Variants in HDHD5 observed in about 807,000 individuals in gnomAD.
The protein encoded by HDHD5 is haloacid dehalogenase-like hydrolase domain-containing 5.
HDHD5 carries 34 observed loss-of-function variants against 35.5 expected under a neutral mutation model. The ratio of observed to expected loss-of-function variants is 0.96; its 90% CI spans 0.73 to 1.28. The LOEUF is 1.28. Ranked by LOEUF, HDHD5 falls within the 50% of genes most tolerant of loss-of-function variation. The pLI is 0.00. For synonymous variants in HDHD5, 248 were observed against 240.6 expected (o/e 1.03, Z -0.29); for missense variants, 589 against 560.2 (o/e 1.05, Z -0.52).
chr22:17,144,745 C>T (rs536579628), intron 4 of HDHD5, among the ~76,000 whole-genome samples: 1 of 151,732 alleles, frequency 6.6e-6, no homozygotes, highest in Non-Finnish European at 1.5e-5. Context: ...GAGACGGGGT[C>T]TCACTATGTT....
intron 4 of HDHD5, among the ~76,000 whole-genome samples, chr22:17,144,251 G>A (rs1408820823): frequency 6.6e-6 from 1 of 151,998 alleles, no homozygotes; most frequent in African/African-American, 2.4e-5. Context: ...CGCTTCTCTG[G>A]GCTTTTTCCT....
chr22:17,141,992 G>C (rs1389927391), intron 5 of HDHD5: 2 of 152,248 alleles, frequency 1.3e-5, no homozygotes, highest in African/African-American at 4.8e-5. Flanking sequence ...CCTAGCAAGT[G>C]AAGGTTGTGG....
chr22:17,158,149 T>C (rs987090966), intron 1 of HDHD5, among the ~76,000 whole-genome samples: 2 of 152,096 alleles, frequency 1.3e-5, no homozygotes, highest in African/African-American at 2.4e-5. Flanking sequence ...GGTGAAACCC[T>C]GTCTCTACTA....
At position 17,137,910 on chromosome 22, in the gene HDHD5, G is replaced by A; in HGVS notation, c.*111C>T. The A allele has an allele frequency of 1.2e-6, 1 of 804,832 alleles. No individual in the cohort carries two copies. The highest frequency in any genetic ancestry group is 2.0e-6 in the Non-Finnish European group (1 of 511,600). The allele number at this position is 804,832 out of a possible 1,614,324, so 49.9% of individuals were successfully genotyped here. A position where few individuals can be genotyped will look rare whatever the true frequency, so the allele number is the denominator to read the frequency against. On this transcript the variant is annotated 3_prime_UTR_variant, in exon 8 of 8. Coordinates refer to ENST00000336737, the MANE Select transcript of HDHD5 (RefSeq NM_033070.3). ...TGCCACACTCATGGGGCAGCAAGAA[G>A]GGTGGCAAGGGAACCAAGCCCTGAC... is the stretch of plus-strand genomic sequence containing the variant.
chr22:17,137,587 A>G lies in HDHD5; in HGVS notation c.*434T>C, dbSNP rs1219157126. 1 of 158,452 alleles carries G rather than the reference A, an allele frequency of 6.3e-6. No individual in the cohort carries two copies. Among genetic ancestry groups the G allele is most frequent in the Admixed American group, 6.3e-5 (1 of 15,856 alleles). 9.8% of individuals were successfully genotyped at this position (158,452 alleles called of 1,614,324 possible). A position where few individuals can be genotyped will look rare whatever the true frequency, so the allele number is the denominator to read the frequency against. On this transcript the variant is annotated 3_prime_UTR_variant, in exon 8 of 8. Coordinates refer to ENST00000336737, the MANE Select transcript of HDHD5 (RefSeq NM_033070.3). ...AAAGCCCCACATCTCCGGGCAATAA[A>G]CTACAATACAGTAAAAAGTAGCATC...
At chr22:17,157,308 C>T (rs1460716682) in intron 1 of HDHD5, among the ~76,000 whole-genome samples, 1 of 142,864 alleles carries the variant, frequency 7.0e-6, no homozygotes, top group African/African-American at 2.6e-5. Context: ...GGATCTGTTG[C>T]CCGGGCTGGA....
chr22:17,148,437 C>T lies in HDHD5; in HGVS notation c.443+11G>A. 6.2e-7 allele frequency: 1 copy of T among 1,609,488 alleles called. No homozygotes were observed. The highest frequency in any genetic ancestry group is 1.3e-5 in the African/African-American group (1 of 74,914). On this transcript the variant is annotated intron_variant, in intron 3 of 7. Transcript: ENST00000336737. ...CCTTCCCTTCAGCCAGAGTTAAGAC[C>T]AAAAGGATACCCCTGGGCATTTTCC...
At chr22:17,163,271 C>T (rs772182250), upstream of HDHD5, among the ~76,000 whole-genome samples, 4 of 152,150 alleles carry the variant, frequency 2.6e-5, no homozygotes, top group Non-Finnish European at 4.4e-5. Flanking sequence ...GCCTTCTATG[C>T]GCTGACTTGC....
intron 4 of HDHD5, among the ~76,000 whole-genome samples, chr22:17,143,837 A>G (rs952253649): frequency 1.3e-5 from 2 of 152,250 alleles, no homozygotes; most frequent in African/African-American, 2.4e-5. Flanking sequence ...AACTGTGAGA[A>G]TGGTCTGACT....
intron 1 of HDHD5, among the ~76,000 whole-genome samples, chr22:17,157,203 C>A (rs1341428030): frequency 2.0e-5 from 3 of 149,896 alleles, no homozygotes; most frequent in Non-Finnish European, 1.5e-5. Flanking sequence ...AGTGCTATTA[C>A]AAAAGAGTAA....
At chr22:17,145,626 A>C (rs186145491) in intron 3 of HDHD5, among the ~76,000 whole-genome samples, 1 of 152,290 alleles carries the variant, frequency 6.6e-6, no homozygotes, top group Non-Finnish European at 1.5e-5. Flanking sequence ...CAGGAGGTCA[A>C]GGCTACAGTG....
intron 4 of HDHD5, 80 bp downstream of exon 4, chr22:17,144,944 G>C: frequency 6.5e-7 from 1 of 1,532,628 alleles, no homozygotes; most frequent in South Asian, 1.1e-5. Flanking sequence ...AGGAGGGCTT[G>C]CAAGGTCAGC....
At chr22:17,145,848 G>A (rs1313352818) in intron 3 of HDHD5, among the ~76,000 whole-genome samples, 1 of 152,138 alleles carries the variant, frequency 6.6e-6, no homozygotes, top group African/African-American at 2.4e-5. Flanking sequence ...AAGTAGGGCT[G>A]GAGCTAAAAT....
Position 17,138,009 on chromosome 22 carries a change from A to G in HDHD5, c.*12T>C. On this transcript the variant is annotated 3_prime_UTR_variant, in exon 8 of 8. Transcript: ENST00000336737. ...GGTCCAGGCTCACCCCCTCACCTCC[A>G]CCGCACTGCCCTCACTCCAAAGCCC... is the stretch of plus-strand genomic sequence containing the variant. The G allele has an allele frequency of 6.2e-7, 1 of 1,600,338 alleles. No homozygotes were observed.
chr22:17,138,778 C>T, intron 6 of HDHD5, 40 bp from the exon 7 acceptor site: 1 of 1,610,228 alleles, frequency 6.2e-7, no homozygotes, highest in South Asian at 1.1e-5. Flanking sequence ...TCTTCCTGAT[C>T]TCCAGGCTCT....
rs765945583 is a variant in HDHD5, at chr22:17,138,339, G to T, written c.954C>A (p.Asp318Glu). 1 of 1,613,756 alleles carries T rather than the reference G, an allele frequency of 6.2e-7. No individual in the cohort carries two copies. ...GGTGGAACAGGTTGGCGCCGTATAC[G>T]TCAGACATAGGGTTATCACTGGCAG... ...LYAVGDNPMS[D>E]VYGANLFHQY... is the part of the protein sequence containing the mutation. Residue 318 changes from aspartate (D) to glutamate (E), a missense_variant, in exon 8 of 8, where the codon GAC (aspartate) becomes GAA (glutamate). By Grantham distance (45) the Asp-to-Glu change is conservative. Transcript: ENST00000336737.
At chr22:17,148,663 C>T (rs1182523851) in intron 2 of HDHD5, 103 bp from the exon 3 acceptor site, 12 of 853,654 alleles carry the variant, frequency 1.4e-5, no homozygotes, top group African/African-American at 3.4e-5. Context: ...GGAAAAAACC[C>T]GCTCAGAAAA....
intron 4 of HDHD5, among the ~76,000 whole-genome samples, chr22:17,144,559 A>G (rs1175167790): frequency 6.6e-6 from 1 of 151,882 alleles, no homozygotes; most frequent in East Asian, 1.9e-4. Context: ...GATTATAGGC[A>G]TCCATCACTG....
chr22:17,162,497 A>G (rs1419848468), upstream of HDHD5, among the ~76,000 whole-genome samples: 1 of 152,130 alleles, frequency 6.6e-6, no homozygotes, highest in African/African-American at 2.4e-5. Context: ...ATGCCATAAG[A>G]CCATTCCAGC....
Sources: allele counts gnomAD v4.1 joint callset (sites outside exome capture counted in the v4.1 genomes callset), GRCh38; gene constraint gnomAD v4.1.1; transcripts MANE v1.5; gene names NCBI Gene and HGNC (gene_info 2026-07-23, HGNC 2026-07-21).